Variants in GPHN observed in about 807,000 individuals in gnomAD.
GPHN encodes the protein gephyrin.
Under a neutral mutation model 95.5 loss-of-function variants are expected in GPHN, and 17 were observed. That is an observed-to-expected ratio of 0.18 (90% CI 0.12 to 0.27). The LOEUF is 0.27. Ranked by LOEUF, GPHN falls within the 10% of genes least tolerant of loss-of-function variation. The probability of loss-of-function intolerance (pLI) is 1.00; values close to 1 mark genes in which losing one functional copy is unlikely to be tolerated. For synonymous variants in GPHN, 320 were observed against 322.5 expected (o/e 0.99, Z 0.08); for missense variants, 660 against 978.1 (o/e 0.67, Z 4.34).
At chr14:67,421,271 G>C in the GPHN span, among the ~76,000 whole-genome samples, 2 of 152,166 alleles carry the variant, frequency 1.3e-5, no homozygotes, top group South Asian at 4.1e-4. Flanking sequence ...ACCATGTAAA[G>C]CACTTAGAAA....
At chr14:67,225,096 T>C in the GPHN span, 4 of 1,547,894 alleles carry the variant, frequency 2.6e-6, no homozygotes, top group South Asian at 3.7e-5. Context: ...CTTTCCTTAT[T>C]CTTTTTCTTT....
chr14:67,345,893 C>G, the GPHN span: 1 of 1,485,890 alleles, frequency 6.7e-7, no homozygotes, highest in Non-Finnish European at 9.4e-7. Context: ...AGTCAGACAA[C>G]ATTTTTAATT....
At chr14:67,320,110 A>C in the GPHN span, 1 of 746,658 alleles carries the variant, frequency 1.3e-6, no homozygotes, top group Non-Finnish European at 2.0e-6. Context: ...ATACCCTAGC[A>C]AGGATGTAAT....
the GPHN span, among the ~76,000 whole-genome samples, chr14:67,481,954 G>C: frequency 6.6e-6 from 1 of 152,358 alleles, no homozygotes; most frequent in East Asian, 1.9e-4. Context: ...GATTGAAGAG[G>C]AGGAGAGTGT....
At chr14:67,285,832 A>C in the GPHN span, among the ~76,000 whole-genome samples, 2 of 152,136 alleles carry the variant, frequency 1.3e-5, no homozygotes, top group African/African-American at 4.8e-5. Flanking sequence ...GACTGACAGG[A>C]GAGGGCAAGG....
chr14:66,633,066 G>A (rs912679713), intron 1 of GPHN, among the ~76,000 whole-genome samples: 1 of 152,074 alleles, frequency 6.6e-6, no homozygotes, highest in Non-Finnish European at 1.5e-5. Context: ...ATTTAATTGT[G>A]TACTGCCTTG....
At chr14:67,144,250 A>AAAAATAT (rs1168342196) in intron 18 of GPHN, among the ~76,000 whole-genome samples, 5 of 57,772 alleles carry the variant, frequency 8.7e-5, no homozygotes, top group African/African-American at 2.4e-4. Flanking sequence ...AAAAAAAAAA[A>AAAAATAT]ATATATATAT....
At chr14:67,170,653 C>T (rs1280080972) in intron 21 of GPHN, among the ~76,000 whole-genome samples, 1 of 152,142 alleles carries the variant, frequency 6.6e-6, no homozygotes, top group African/African-American at 2.4e-5. Context: ...TGTCCATTTC[C>T]TGTCAGCAAA....
chr14:66,812,995 T>C (rs879656858), intron 3 of GPHN, among the ~76,000 whole-genome samples: 2 of 152,206 alleles, frequency 1.3e-5, no homozygotes, highest in Non-Finnish European at 2.9e-5. Flanking sequence ...ACAGTATCAA[T>C]TTAATAGTAG....
At chr14:66,649,290 C>T (rs1244090641) in intron 1 of GPHN, among the ~76,000 whole-genome samples, 2 of 151,780 alleles carry the variant, frequency 1.3e-5, no homozygotes, top group Middle Eastern at 3.2e-3. Context: ...GCCAAGATCA[C>T]GCCACTGCAC....
intron 5 of GPHN, among the ~76,000 whole-genome samples, chr14:66,910,852 C>T (rs758801698): frequency 4.6e-5 from 7 of 151,868 alleles, no homozygotes; most frequent in Admixed American, 6.6e-5. Flanking sequence ...GTTAATTGGT[C>T]GTGACCTACA....
At chr14:67,382,410 G>A in the GPHN span, 1 of 1,579,894 alleles carries the variant, frequency 6.3e-7, no homozygotes. Context: ...GGTTCTGTAG[G>A]TACATTCATA....
chr14:67,645,781 C>T, the GPHN span: 1 of 1,613,960 alleles, frequency 6.2e-7, no homozygotes, highest in Non-Finnish European at 8.5e-7. Flanking sequence ...TTTCATTTCT[C>T]CTCAGAGAAC....
intron 2 of GPHN, among the ~76,000 whole-genome samples, chr14:66,732,274 A>C (rs2071838600): frequency 1.3e-5 from 2 of 152,206 alleles, no homozygotes; most frequent in African/African-American, 4.8e-5. Context: ...TAGAAAAGCC[A>C]CAGGTACTCA....
chr14:67,725,220 ATCTATC>A, the GPHN span: 1 of 1,613,826 alleles, frequency 6.2e-7, no homozygotes, highest in Non-Finnish European at 8.5e-7. Context: ...CCGACACCAA[ATCTATC>A]CGAGCCTTTG....
the GPHN span, among the ~76,000 whole-genome samples, chr14:67,325,961 A>ACCACAC: frequency 1.4e-5 from 2 of 145,674 alleles, no homozygotes; most frequent in African/African-American, 5.1e-5. Context: ...GGCACCTGCC[A>ACCACAC]CCACACCCGG....
At chr14:66,682,914 G>A (rs1302137292) in intron 2 of GPHN, among the ~76,000 whole-genome samples, 8 of 151,842 alleles carry the variant, frequency 5.3e-5, no homozygotes, top group Admixed American at 3.9e-4. Flanking sequence ...ATAATCAATT[G>A]CCATGTTTTG....
the GPHN span, chr14:67,383,637 CTT>C: frequency 1.2e-5 from 8 of 644,552 alleles, no homozygotes; most frequent in East Asian, 3.3e-4. Context: ...AGCTCCAACA[CTT>C]TGAGCATTTT....
At chr14:67,359,816 C>T in the GPHN span, 35 of 1,183,020 alleles carry the variant, frequency 3.0e-5, no homozygotes, top group Non-Finnish European at 4.1e-5. Context: ...TCACTTGACC[C>T]CTCTTGTTGC....
Sources: gnomAD v4.1 joint callset for allele counts (sites outside exome capture counted in the v4.1 genomes callset) on GRCh38, gnomAD v4.1.1 for gene constraint, MANE v1.5 for transcripts, NCBI Gene and HGNC (gene_info 2026-07-23, HGNC 2026-07-21) for gene names.